KHDRBS2: variants seen among roughly 807,000 people sequenced by gnomAD.
KHDRBS2 encodes the protein KH domain-containing, RNA-binding, signal transduction-associated protein 2.
Under a neutral mutation model 44.3 loss-of-function variants are expected in KHDRBS2, and 26 were observed. That is an observed-to-expected ratio of 0.59 (90% CI 0.43 to 0.81). The LOEUF is 0.81. Among genes scored for constraint, KHDRBS2 ranks in the 40% least tolerant of loss-of-function variants. KHDRBS2 has a pLI of 0.00. For synonymous variants in KHDRBS2, 194 were observed against 151.1 expected (o/e 1.28, Z -2.08); for missense variants, 476 against 433.1 (o/e 1.10, Z -0.88).
intron 6 of KHDRBS2, among the ~76,000 whole-genome samples, chr6:61,822,934 A>G (rs1480423249): frequency 6.6e-6 from 1 of 152,000 alleles, no homozygotes; most frequent in Non-Finnish European, 1.5e-5. Context: ...TCTGATTTGT[A>G]ACTCTATATT....
At chr6:61,668,775 C>T in the KHDRBS2 span, among the ~76,000 whole-genome samples, 1 of 150,830 alleles carries the variant, frequency 6.6e-6, no homozygotes. Context: ...TTATATTCAC[C>T]TTCACTTTGG....
chr6:61,592,124 G>A, the KHDRBS2 span, among the ~76,000 whole-genome samples: 1 of 148,122 alleles, frequency 6.8e-6, no homozygotes, highest in Non-Finnish European at 1.5e-5. Flanking sequence ...CCAGGAGATT[G>A]AGGCTGCAGC....
At chr6:62,185,888 G>A (rs1484509487) in intron 1 of KHDRBS2, among the ~76,000 whole-genome samples, 1 of 151,784 alleles carries the variant, frequency 6.6e-6, no homozygotes, top group Admixed American at 6.6e-5. Context: ...CACCTAATTC[G>A]TATGTTAAAT....
chr6:62,070,137 T>G (rs1794648583), intron 2 of KHDRBS2, among the ~76,000 whole-genome samples: 1 of 151,786 alleles, frequency 6.6e-6, no homozygotes, highest in Admixed American at 6.6e-5. Flanking sequence ...TAAACCTATT[T>G]GCATCCCTGA....
At chr6:62,112,634 T>C (rs1805278802) in intron 2 of KHDRBS2, among the ~76,000 whole-genome samples, 1 of 152,110 alleles carries the variant, frequency 6.6e-6, no homozygotes, top group African/African-American at 2.4e-5. Flanking sequence ...ATGAAAACAC[T>C]TATATAATGA....
At chr6:61,754,597 C>T (rs1418587674) in intron 6 of KHDRBS2, among the ~76,000 whole-genome samples, 2 of 146,828 alleles carry the variant, frequency 1.4e-5, no homozygotes, top group Admixed American at 1.4e-4. Flanking sequence ...CAGTCTTTCC[C>T]TTGATTCTCC....
intron 4 of KHDRBS2, among the ~76,000 whole-genome samples, chr6:61,923,913 C>G (rs781247039): frequency 5.9e-5 from 9 of 151,874 alleles, no homozygotes; most frequent in Non-Finnish European, 5.9e-5. Flanking sequence ...TTAATGGAAT[C>G]TTTAAAAAGT....
chr6:62,203,413 T>C (rs1040304743), intron 1 of KHDRBS2, among the ~76,000 whole-genome samples: 18 of 152,116 alleles, frequency 1.2e-4, no homozygotes, highest in African/African-American at 4.3e-4. Context: ...ATTTAGAAGA[T>C]AAATTTCAAA....
the KHDRBS2 span, among the ~76,000 whole-genome samples, chr6:61,656,087 G>A: frequency 6.6e-6 from 1 of 152,006 alleles, no homozygotes; most frequent in Admixed American, 6.6e-5. Flanking sequence ...TTTACATAGT[G>A]CTTTATGCAT....
intron 6 of KHDRBS2, among the ~76,000 whole-genome samples, chr6:61,809,923 G>C (rs1234729033): frequency 1.3e-5 from 2 of 152,078 alleles, no homozygotes; most frequent in Non-Finnish European, 2.9e-5. Flanking sequence ...TAAAGTATAA[G>C]AGAAAAATAT....
chr6:62,034,853 C>T (rs1403535050), intron 3 of KHDRBS2, among the ~76,000 whole-genome samples: 1 of 151,800 alleles, frequency 6.6e-6, no homozygotes, highest in South Asian at 2.1e-4. Flanking sequence ...CTGAAAAGAA[C>T]ATATGTAAGT....
rs536018671 is a variant in KHDRBS2, at chr6:61,728,447, T to G, written c.893+4235A>C. Among the ~76,000 whole-genome samples, 22 of 151,762 alleles carry G rather than the reference T, an allele frequency of 1.4e-4. 1 individual carries two copies. In the South Asian group the frequency reaches 4.6e-3, roughly 32 times the overall value. Reference sequence around the variant, plus strand: ...CTGCACATGGACTCTGAATTTAAAATAAAAGTTGAAGAAAAAAAAAGATTT... The same window carrying G: ...CTGCACATGGACTCTGAATTTAAAAGAAAAGTTGAAGAAAAAAAAAGATTT... On this transcript the variant is annotated intron_variant, in intron 7 of 8. Transcript: ENST00000281156.
At chr6:62,071,351 T>C (rs1384496890) in intron 2 of KHDRBS2, among the ~76,000 whole-genome samples, 4 of 152,048 alleles carry the variant, frequency 2.6e-5, no homozygotes, top group African/African-American at 4.8e-5. Flanking sequence ...TTAATTAGAT[T>C]CCATTTGTCC....
Position 61,834,009 on chromosome 6 carries a change from A to G in KHDRBS2, c.810+60626T>C, listed in dbSNP as rs570358729. On this transcript the variant is annotated intron_variant, in intron 6 of 8. Coordinates refer to ENST00000281156, the MANE Select transcript of KHDRBS2 (RefSeq NM_152688.4). Reference sequence around the variant, plus strand: ...AAAGAGAAATGGACAAACATTTGATAAATACTGATGACTTGATTTATGTCT... The same window carrying G: ...AAAGAGAAATGGACAAACATTTGATGAATACTGATGACTTGATTTATGTCT... 2.6e-5 allele frequency among the ~76,000 whole-genome samples: 4 copies of G among 152,236 alleles called. No individual in the cohort carries two copies. The South Asian group carries it at 8.3e-4, about 32-fold the overall frequency.
At chr6:62,177,417 C>T in intron 1 of KHDRBS2, 105 bp from the exon 2 acceptor site, 1 of 871,436 alleles carries the variant, frequency 1.1e-6, no homozygotes, top group South Asian at 2.0e-5. Context: ...CTCCTCTTCT[C>T]AAATAAGATT....
At chr6:61,819,688 T>A (rs1050651221) in intron 6 of KHDRBS2, among the ~76,000 whole-genome samples, 18 of 152,010 alleles carry the variant, frequency 1.2e-4, no homozygotes, top group African/African-American at 4.3e-4. Flanking sequence ...GAAAGCAAAT[T>A]TTCCATTTCC....
intron 2 of KHDRBS2, among the ~76,000 whole-genome samples, chr6:62,123,204 C>T (rs1230196620): frequency 6.8e-6 from 1 of 148,104 alleles, no homozygotes; most frequent in Non-Finnish European, 1.5e-5. Context: ...CAGCTTCATT[C>T]ACATCCCTGT....
chr6:61,688,799 A>G (rs1561971772), intron 8 of KHDRBS2, among the ~76,000 whole-genome samples: 1 of 151,922 alleles, frequency 6.6e-6, no homozygotes, highest in Non-Finnish European at 1.5e-5. Context: ...ACCACTTGTG[A>G]AAGATCTTAG....
chr6:61,554,516 G>C, the KHDRBS2 span, among the ~76,000 whole-genome samples: 3 of 151,886 alleles, frequency 2.0e-5, no homozygotes, highest in Middle Eastern at 3.4e-3. Context: ...TACATTCAAG[G>C]TTAGTATTGA....
Sources: gnomAD v4.1 joint callset for allele counts (sites outside exome capture counted in the v4.1 genomes callset) on GRCh38, gnomAD v4.1.1 for gene constraint, MANE v1.5 for transcripts, NCBI Gene and HGNC (gene_info 2026-07-23, HGNC 2026-07-21) for gene names.